IL1RAPL1: variants seen among roughly 807,000 people sequenced by gnomAD.
IL1RAPL1 encodes interleukin-1 receptor accessory protein-like 1.
A neutral mutation model predicts 48.4 loss-of-function variants in IL1RAPL1; 3 were observed. That is an observed-to-expected ratio of 0.06 (90% CI 0.03 to 0.16). The LOEUF (loss-of-function observed/expected upper bound fraction) is 0.16, where lower values mean the gene tolerates loss of function less well. Ranked by LOEUF, IL1RAPL1 falls within the 10% of genes least tolerant of loss-of-function variation. The probability of loss-of-function intolerance (pLI) is 1.00; values close to 1 mark genes in which losing one functional copy is unlikely to be tolerated. For missense variants in IL1RAPL1, 349 were observed against 530.6 expected (o/e 0.66, Z 3.36); for synonymous variants, 185 against 187.7 (o/e 0.99, Z 0.12).
intron 6 of IL1RAPL1, among the ~76,000 whole-genome samples, chrX:29,856,237 C>T (rs182748268): frequency 7.9e-4 from 88 of 111,652 alleles, no homozygotes; most frequent in African/African-American, 2.8e-3. Flanking sequence ...CTCCAAACTA[C>T]TTCCTTGAAT....
At chrX:29,449,151 T>C (rs1041168680) in intron 5 of IL1RAPL1, among the ~76,000 whole-genome samples, 2 of 111,825 alleles carry the variant, frequency 1.8e-5, no homozygotes. Context: ...TTCCCATTTA[T>C]ACATAAGGAA....
chrX:29,706,509 T>G (rs1165870292), intron 6 of IL1RAPL1, among the ~76,000 whole-genome samples: 2 of 111,508 alleles, frequency 1.8e-5, no homozygotes, highest in Non-Finnish European at 3.8e-5. Flanking sequence ...TGGGGGAAAT[T>G]GACCAAAACA....
At chrX:29,655,729 A>AGG (rs1447916135) in intron 5 of IL1RAPL1, among the ~76,000 whole-genome samples, 1 of 108,740 alleles carries the variant, frequency 9.2e-6, no homozygotes, top group African/African-American at 3.3e-5. Flanking sequence ...AAATTAGAAG[A>AGG]GGTAGGTTTG....
At chrX:29,275,676 T>G (rs1405989868) in intron 2 of IL1RAPL1, among the ~76,000 whole-genome samples, 2 of 112,340 alleles carry the variant, frequency 1.8e-5, no homozygotes, top group African/African-American at 6.5e-5. Context: ...AGTAATGTTA[T>G]CTTTGCTCTC....
At chrX:29,529,297 A>G (rs1273936677) in intron 5 of IL1RAPL1, among the ~76,000 whole-genome samples, 1 of 111,432 alleles carries the variant, frequency 9.0e-6, no homozygotes, top group Non-Finnish European at 1.9e-5. Flanking sequence ...TATGAACTAC[A>G]GTTGAAAGTA....
At chrX:29,580,952 A>T (rs1922943011) in intron 5 of IL1RAPL1, among the ~76,000 whole-genome samples, 1 of 112,152 alleles carries the variant, frequency 8.9e-6, no homozygotes, top group Non-Finnish European at 1.9e-5. Context: ...GTCTTAATCT[A>T]AAACTGAAAT....
chrX:29,739,865 C>T (rs1485111842), intron 6 of IL1RAPL1, among the ~76,000 whole-genome samples: 1 of 109,866 alleles, frequency 9.1e-6, no homozygotes, highest in Non-Finnish European at 1.9e-5. Context: ...TTGAGAGCAG[C>T]CTGGTCAACA....
intron 2 of IL1RAPL1, among the ~76,000 whole-genome samples, chrX:28,931,018 G>A (rs2147343109): frequency 9.0e-6 from 1 of 111,200 alleles, no homozygotes; most frequent in Admixed American, 9.6e-5. Context: ...AAGCATCATT[G>A]GATGTTTTGG....
intron 6 of IL1RAPL1, among the ~76,000 whole-genome samples, chrX:29,763,733 C>G (rs1928808855): frequency 9.0e-6 from 1 of 111,004 alleles, no homozygotes; most frequent in African/African-American, 3.3e-5. Flanking sequence ...TTATCTGTCT[C>G]AGGGCATAGG....
At chrX:29,298,677 T>C (rs1932486319) in intron 3 of IL1RAPL1, among the ~76,000 whole-genome samples, 1 of 111,797 alleles carries the variant, frequency 8.9e-6, no homozygotes, top group South Asian at 3.7e-4. Context: ...AACTCAGAGA[T>C]CTTCTCCTGC....
At chrX:29,373,454 T>C (rs1412902555) in intron 3 of IL1RAPL1, among the ~76,000 whole-genome samples, 1 of 111,820 alleles carries the variant, frequency 8.9e-6, no homozygotes, top group South Asian at 3.7e-4. Flanking sequence ...TAGTACTACA[T>C]TGAATAGGAG....
intron 2 of IL1RAPL1, among the ~76,000 whole-genome samples, chrX:29,036,107 A>C (rs757878030): frequency 8.9e-6 from 1 of 112,095 alleles, no homozygotes; most frequent in Non-Finnish European, 1.9e-5. Context: ...AGAAGCTATC[A>C]ACACTTCTTC....
chrX:28,812,770 GGTAA>G (rs1216671807), intron 2 of IL1RAPL1, among the ~76,000 whole-genome samples: 1 of 110,534 alleles, frequency 9.0e-6, no homozygotes, highest in African/African-American at 3.3e-5. Context: ...GAAGCTTAAG[GGTAA>G]TACTATACAT....
intron 6 of IL1RAPL1, among the ~76,000 whole-genome samples, chrX:29,711,770 T>G (rs1354760643): frequency 8.9e-6 from 1 of 111,807 alleles, no homozygotes; most frequent in Non-Finnish European, 1.9e-5. Context: ...AAAATCATTG[T>G]TGTGTTTAAT....
intron 9 of IL1RAPL1, among the ~76,000 whole-genome samples, chrX:29,951,611 A>C (rs1933322450): frequency 8.9e-6 from 1 of 112,046 alleles, no homozygotes; most frequent in African/African-American, 3.2e-5. Context: ...TGTACCAATG[A>C]ATGGCGATGA....
Position 29,823,078 on chromosome X carries a change from A to G in IL1RAPL1, c.779-94386A>G, listed in dbSNP as rs966158483. On this transcript the variant is annotated intron_variant, in intron 6 of 10. Transcript: ENST00000378993. Reference sequence around the variant, plus strand: ...GGAAATAAACTTGGGAAGATTGTGCATGTTCTTGAATGTGGACTAGGGAAG... The same window carrying G: ...GGAAATAAACTTGGGAAGATTGTGCGTGTTCTTGAATGTGGACTAGGGAAG... Among the ~76,000 whole-genome samples, 3 of 112,058 alleles carry G rather than the reference A, an allele frequency of 2.7e-5. No individual in the cohort carries two copies. The Admixed American group carries it at 2.8e-4, about 11-fold the overall frequency.
chrX:28,620,029 T>C (rs1239829288), intron 1 of IL1RAPL1, among the ~76,000 whole-genome samples: 1 of 110,893 alleles, frequency 9.0e-6, no homozygotes, highest in Non-Finnish European at 1.9e-5. Flanking sequence ...CTTACATGGA[T>C]ATTCACAATG....
At chrX:29,097,225 A>G (rs1656274953) in intron 2 of IL1RAPL1, among the ~76,000 whole-genome samples, 1 of 112,084 alleles carries the variant, frequency 8.9e-6, no homozygotes, top group Non-Finnish European at 1.9e-5. Flanking sequence ...TGTCATGGAA[A>G]CAGAAGAGGA....
intron 2 of IL1RAPL1, among the ~76,000 whole-genome samples, chrX:29,227,517 T>C (rs1931105576): frequency 8.9e-6 from 1 of 111,988 alleles, no homozygotes; most frequent in Non-Finnish European, 1.9e-5. Flanking sequence ...CACATAGAGC[T>C]ACTTCTTTGA....
Sources: allele counts gnomAD v4.1 joint callset (sites outside exome capture counted in the v4.1 genomes callset), GRCh38; gene constraint gnomAD v4.1.1; transcripts MANE v1.5; gene names NCBI Gene and HGNC (gene_info 2026-07-23, HGNC 2026-07-21).